WWP2: variants seen among roughly 807,000 people sequenced by gnomAD.
The protein encoded by WWP2 is WW domain containing E3 ubiquitin protein ligase 2, also known as NEDD4-like E3 ubiquitin-protein ligase WWP2.
A neutral mutation model predicts 121.0 loss-of-function variants in WWP2; 57 were observed. That is an observed-to-expected ratio of 0.47 (90% CI 0.38 to 0.59). The LOEUF (loss-of-function observed/expected upper bound fraction) is 0.59, where lower values mean the gene tolerates loss of function less well. Ranked by LOEUF, WWP2 falls within the 20% of genes least tolerant of loss-of-function variation. The pLI, the probability that WWP2 is intolerant of heterozygous loss-of-function variation, is 0.00. For missense variants in WWP2, 962 were observed against 1,158.9 expected, an observed-to-expected ratio of 0.83 and a Z score of 2.47; for synonymous variants, 449 against 441.3, an observed-to-expected ratio of 1.02 and a Z score of -0.22.
At chr16:69,859,404 A>C (rs2057376156) in intron 6 of WWP2, among the ~76,000 whole-genome samples, 1 of 152,020 alleles carries the variant, frequency 6.6e-6, no homozygotes, top group South Asian at 2.1e-4. Flanking sequence ...AAAATACAGA[A>C]ATTAGCTAGG....
rs138835058 is a variant in WWP2 at position 69,791,130 on chromosome 16, C to G, written c.70+4050C>G. Among the ~76,000 whole-genome samples, 294 of 152,232 alleles carry G rather than the reference C, an allele frequency of 1.9e-3. 1 individual carries two copies. Among genetic ancestry groups the G allele is most frequent in the African/African-American group, 6.8e-3 (281 of 41,546 alleles). ...TAGCTAATAATTAGCAAGTCTAGGT[C>G]AAAGCAGAAGTTGGCCTATTGGACC... is the stretch of plus-strand genomic sequence containing the variant. On this transcript the variant is annotated intron_variant, in intron 2 of 23. Coordinates refer to ENST00000359154, the MANE Select transcript of WWP2 (RefSeq NM_001270454.2).
rs74027735 is a variant in WWP2 at position 69,933,187 on chromosome 16, G to A, written c.1683-783G>A. The A allele has an allele frequency of 3.9e-3, 1,868 of 480,572 alleles. 30 individuals carry two copies. The highest frequency in any genetic ancestry group is 0.031 in the African/African-American group (1,604 of 51,172). 29.8% of individuals were successfully genotyped at this position (480,572 alleles called of 1,614,324 possible). A position where few individuals can be genotyped will look rare whatever the true frequency, so the allele number is the denominator to read the frequency against. ...GACAGGATACCGGGGCACCCTCTGC[G>A]TCGACGGACTCCTCGTCTGCCCAGC... On this transcript the variant is annotated intron_variant, in intron 16 of 23. Transcript: ENST00000359154.
At chr16:69,901,202 A>G (rs1231997261) in intron 8 of WWP2, among the ~76,000 whole-genome samples, 1 of 152,206 alleles carries the variant, frequency 6.6e-6, no homozygotes, top group Non-Finnish European at 1.5e-5. Context: ...GCTTGGAGGA[A>G]GAATAGGACT....
chr16:69,925,554 G>A lies in WWP2; in HGVS notation c.1234+70G>A, dbSNP rs1030039143. ...ACGGTGCTCTGTCCTCTCCTCCCGCGTGTCTTCCTTCCCTGTTCCTGTCCC... is the reference window on the plus strand; with the variant it reads ...ACGGTGCTCTGTCCTCTCCTCCCGCATGTCTTCCTTCCCTGTTCCTGTCCC... On this transcript the variant is annotated intron_variant, in intron 11 of 23. Transcript: ENST00000359154. This position sits in a 1 kb window ranked among gnomAD's most constrained non-coding sequence, Gnocchi z 4.0. 22 of 1,567,978 alleles carry A rather than the reference G, an allele frequency of 1.4e-5. No individual in the cohort carries two copies. The highest frequency in any genetic ancestry group is 1.4e-4 in the South Asian group (12 of 87,020).
chr16:69,919,015 T>G (rs1300993767), intron 10 of WWP2, among the ~76,000 whole-genome samples: 1 of 151,716 alleles, frequency 6.6e-6, no homozygotes, highest in Non-Finnish European at 1.5e-5. Context: ...GGCTAATTTT[T>G]GTATTTTTAG....
intron 9 of WWP2, chr16:69,909,373 G>C (rs959712369): frequency 1.0e-6 from 1 of 986,322 alleles, no homozygotes; most frequent in Non-Finnish European, 1.2e-6. Flanking sequence ...GCCATGAAGG[G>C]CTCCTGTATA....
chr16:69,816,526 G>A (rs1200744608), intron 4 of WWP2, among the ~76,000 whole-genome samples: 1 of 149,268 alleles, frequency 6.7e-6, no homozygotes, highest in Non-Finnish European at 1.5e-5. Flanking sequence ...TCTTGAGCAA[G>A]CTAATAAAAT....
At chr16:69,833,412 T>C (rs978818842) in intron 4 of WWP2, among the ~76,000 whole-genome samples, 3 of 151,776 alleles carry the variant, frequency 2.0e-5, no homozygotes, top group Non-Finnish European at 2.9e-5. Context: ...TTCTTTTTTT[T>C]CTCTGGTGTG....
intron 4 of WWP2, among the ~76,000 whole-genome samples, chr16:69,817,920 T>C (rs926900075): frequency 5.3e-5 from 8 of 151,920 alleles, no homozygotes; most frequent in African/African-American, 1.9e-4. Context: ...GATACCTTTA[T>C]GCTCCTCTTT....
chr16:69,790,920 C>T (rs968577595), intron 2 of WWP2, among the ~76,000 whole-genome samples: 3 of 152,098 alleles, frequency 2.0e-5, no homozygotes, highest in Non-Finnish European at 4.4e-5. Context: ...TATTTCCTTT[C>T]CTATGGATTG....
chr16:69,765,655 C>G (rs777770288), intron 1 of WWP2, among the ~76,000 whole-genome samples: 4 of 152,186 alleles, frequency 2.6e-5, no homozygotes, highest in Non-Finnish European at 4.4e-5. Flanking sequence ...GAAACCCCAT[C>G]TCTACCCAAA....
chr16:69,798,149 G>T (rs1259635498), intron 2 of WWP2, among the ~76,000 whole-genome samples: 1 of 152,188 alleles, frequency 6.6e-6, no homozygotes, highest in Non-Finnish European at 1.5e-5. Flanking sequence ...GGCTACATGG[G>T]TTTACCTTTC....
chr16:69,765,667 T>C (rs1442605400), intron 1 of WWP2, among the ~76,000 whole-genome samples: 1 of 152,070 alleles, frequency 6.6e-6, no homozygotes, highest in Non-Finnish European at 1.5e-5. Flanking sequence ...CTACCCAAAA[T>C]ACAAAAATTA....
intron 8 of WWP2, 43 bp downstream of exon 8, chr16:69,888,292 G>A: frequency 1.3e-6 from 2 of 1,584,824 alleles, no homozygotes; most frequent in Non-Finnish European, 1.7e-6. Context: ...CCTCCTCAAA[G>A]ACTGAGGCTC....
intron 6 of WWP2, among the ~76,000 whole-genome samples, chr16:69,852,815 A>G (rs2057243499): frequency 1.3e-5 from 2 of 152,110 alleles, no homozygotes; most frequent in South Asian, 4.1e-4. Flanking sequence ...TTGGAAATAC[A>G]GTTTTATTTT....
chr16:69,885,794 G>A (rs1437902615), intron 7 of WWP2, among the ~76,000 whole-genome samples: 8 of 152,176 alleles, frequency 5.3e-5, no homozygotes, highest in Non-Finnish European at 1.2e-4. Flanking sequence ...AACTTGTGGG[G>A]TTGCGTGTGA....
chr16:69,833,139 G>A (rs113520842), intron 4 of WWP2, among the ~76,000 whole-genome samples: 8 of 152,370 alleles, frequency 5.3e-5, no homozygotes, highest in South Asian at 2.1e-4. Flanking sequence ...GATTACAGGC[G>A]TGAGCCACTG....
At chr16:69,870,123 C>T (rs2151914356) in intron 6 of WWP2, among the ~76,000 whole-genome samples, 1 of 152,246 alleles carries the variant, frequency 6.6e-6, no homozygotes, top group Admixed American at 6.5e-5. Flanking sequence ...TTCTCTGTGT[C>T]TGTTTGCTTA....
chr16:69,857,132 C>A (rs2057330426), intron 6 of WWP2, among the ~76,000 whole-genome samples: 1 of 152,030 alleles, frequency 6.6e-6, no homozygotes, highest in Non-Finnish European at 1.5e-5. Flanking sequence ...GAGACAGAGT[C>A]TCACTCTGTC....
Sources: gnomAD v4.1 joint callset for allele counts (sites outside exome capture counted in the v4.1 genomes callset) on GRCh38, gnomAD v4.1.1 for gene constraint, Gnocchi (gnomAD v3.1) non-coding constraint, MANE v1.5 for transcripts, NCBI Gene and HGNC (gene_info 2026-07-23, HGNC 2026-07-21) for gene names.